The following TTN variants were observed in gnomAD, a reference collection of about 807,000 sequenced individuals.
The protein encoded by TTN is titin, also known as connectin.
Under a neutral mutation model 3,223.0 loss-of-function variants are expected in TTN, and 1,525 were observed. That is an observed-to-expected ratio of 0.47 (90% CI 0.45 to 0.49). The LOEUF (loss-of-function observed/expected upper bound fraction) is 0.49, where lower values mean the gene tolerates loss of function less well. TTN is among the 20% of genes least tolerant of loss of function. TTN has a pLI of 0.00. For synonymous variants in TTN, 14,094 were observed against 15,161.0 expected, an observed-to-expected ratio of 0.93 and a Z score of 5.17; for missense variants, 40,786 against 43,424.0, an observed-to-expected ratio of 0.94 and a Z score of 5.40.
In TTN at chr2:178,557,378, G is replaced by C; in HGVS notation, c.87884C>G (p.Thr29295Ser). The C allele has an allele frequency of 6.2e-7, 1 of 1,613,956 alleles. No individual in the cohort carries two copies. The highest frequency in any genetic ancestry group is 1.1e-5 in the South Asian group (1 of 91,084). ...QKANKLVIRTTHFKVTTISAG... is the reference protein window; with the variant it reads ...QKANKLVIRTSHFKVTTISAG... ...ACTGATTGTTGTGACTTTGAAGTGA[G>C]TTGTGCGGATGACCAGTTTGTTGGC... is the stretch of plus-strand genomic sequence containing the variant. Residue 29295 changes from threonine to serine, a missense_variant, in exon 329 of 363, where the codon ACT (threonine) becomes AGT (serine). Transcript: ENST00000589042.
At chr2:178,749,220 C>A in intron 47 of TTN, 1 of 1,610,970 alleles carries the variant, frequency 6.2e-7, no homozygotes, top group Admixed American at 1.7e-5. Context: ...TTTCTTATTT[C>A]TTTCTTAATA....
Position 178,586,656 on chromosome 2 carries a change from C to A in TTN, c.64245G>T (p.Trp21415Cys), listed in dbSNP as rs369299712. 21 of 1,613,064 alleles carry A rather than the reference C, an allele frequency of 1.3e-5. No homozygotes were observed. Among genetic ancestry groups the A allele is most frequent in the Non-Finnish European group, 1.7e-5 (20 of 1,179,412 alleles). The change falls in exon 308 of 363, where the codon TGG (tryptophan) becomes TGT (cysteine). Residue 21415 changes from tryptophan (W) to cysteine (C), a missense_variant. Trp to Cys is a radical substitution (Grantham distance 215). Transcript: ENST00000589042. Reference protein sequence around the residue: ...YREEEQPADRWTEYSVVKDLS... With the variant: ...YREEEQPADRCTEYSVVKDLS... Reference sequence around the variant, plus strand: ...GATCTTTTACCACTGAGTACTCTGTCCAGCGATCTGCAGGCTGCTCTTCTT... The same window carrying A: ...GATCTTTTACCACTGAGTACTCTGTACAGCGATCTGCAGGCTGCTCTTCTT...
In TTN at chr2:178,709,732, T is replaced by G. The variant is rs876658049; in HGVS notation, c.28587A>C (p.Lys9529Asn). 2 of 1,613,908 alleles carry G rather than the reference T, an allele frequency of 1.2e-6. No homozygotes were observed. Among genetic ancestry groups the G allele is most frequent in the Non-Finnish European group, 1.7e-6 (2 of 1,179,828 alleles). ...AAGTTGGTTGTATCTCTATATTATT[T>G]TTGTACCAGGCAACAGTTATAGGTT... is the stretch of plus-strand genomic sequence containing the variant. Reference protein sequence around the residue: ...GSQPITVAWYKNNIEIQPTSN... With the variant: ...GSQPITVAWYNNNIEIQPTSN... Residue 9529 changes from lysine to asparagine, a missense_variant, in exon 99 of 363, where the codon AAA becomes AAC. Coordinates refer to ENST00000589042, the MANE Select transcript of TTN (RefSeq NM_001267550.2).
rs763435780 is a variant in TTN, at chr2:178,752,064, A to C, written c.11311+1060T>G. On this transcript the variant is annotated intron_variant, in intron 47 of 362. Coordinates refer to ENST00000589042, the MANE Select transcript of TTN (RefSeq NM_001267550.2). ...TCTGGAAAAAAAAAAAAAAACCTTT[A>C]CTATTTTCCATAGAACTTGAAAAAG... is the stretch of plus-strand genomic sequence containing the variant. 9 of 1,554,020 alleles carry C rather than the reference A, an allele frequency of 5.8e-6. No individual in the cohort carries two copies. In the East Asian group the frequency reaches 1.8e-4, roughly 31 times the overall value.
At chr2:178,722,229 G>C (rs1312317787) in intron 77 of TTN, 30 bp downstream of exon 77, 1 of 1,533,894 alleles carries the variant, frequency 6.5e-7, no homozygotes, top group Non-Finnish European at 8.7e-7. Flanking sequence ...GCCACAGTTT[G>C]CAAAGAAAAA....
Position 178,775,014 on chromosome 2 carries a change from T to C in TTN, c.6697A>G (p.Ile2233Val), listed in dbSNP as rs1574638831. Residue 2233 changes from isoleucine to valine, a missense_variant, in exon 29 of 363, where the codon ATA becomes GTA. By Grantham distance (29) the Ile-to-Val change is conservative. Transcript: ENST00000589042. The stretch of plus-strand genomic sequence containing the variant: ...GCATCAGACGTATCAATGGTCAGTA[T>C]GGAGAGGAAGTGAACCTTTCTGTCA... ...HSDRKVHFLSILTIDTSDAED... is the reference protein window; with the variant it reads ...HSDRKVHFLSVLTIDTSDAED... 3 of 1,614,026 alleles carry C rather than the reference T, an allele frequency of 1.9e-6. No homozygotes were observed. The highest frequency in any genetic ancestry group is 8.5e-7 in the Non-Finnish European group (1 of 1,179,956).
chr2:178,549,297 C>T lies in TTN; in HGVS notation c.92329G>A (p.Glu30777Lys). Residue 30777 changes from glutamate to lysine, a missense_variant, in exon 339 of 363, where the codon GAA (glutamate) becomes AAA (lysine). Transcript: ENST00000589042. ...AGACCAGTGACTTTGAATCTTGTTT[C>T]AGAGATTGGTCGTTTGCTGATCACT... ...VKVISKRPIS[E>K]TRFKVTGLTE... 6.2e-7 allele frequency: 1 copy of T among 1,613,934 alleles called. No individual in the cohort carries two copies. Among genetic ancestry groups the T allele is most frequent in the Non-Finnish European group, 8.5e-7 (1 of 1,179,842 alleles).
Position 178,590,263 on chromosome 2 carries a change from C to G in TTN, c.61462G>C (p.Val20488Leu). 6.3e-7 allele frequency: 1 copy of G among 1,578,732 alleles called. No homozygotes were observed. The highest frequency in any genetic ancestry group is 8.6e-7 in the Non-Finnish European group (1 of 1,162,864). The change falls in exon 304 of 363, where the codon GTG becomes CTG. Residue 20488 changes from valine to leucine, a missense_variant. By Grantham distance (32) the Val-to-Leu change is conservative. Coordinates refer to ENST00000589042, the MANE Select transcript of TTN (RefSeq NM_001267550.2). ...LDVTCRDVIT[V>L]RVGQTIRILA... ...ATGCGGATAGTTTGGCCTACTCTCA[C>G]GGTAATAACATCACGACAAGTAACA...
rs529186119 is a variant in TTN at position 178,541,369 on chromosome 2, A to G, written c.97708T>C (p.Tyr32570His). 1.9e-6 allele frequency: 3 copies of G among 1,605,664 alleles called. No individual in the cohort carries two copies. Among genetic ancestry groups the G allele is most frequent in the South Asian group, 1.1e-5 (1 of 89,520 alleles). ...RSTGLTEGLE[Y>H]EHRVTAINAR... is the part of the protein sequence containing the mutation. ...TTAATGGCTGTGACACGGTGTTCATATTCTAAGCCTTCAGTAAGGCCAGTG... is the reference window on the plus strand; with the variant it reads ...TTAATGGCTGTGACACGGTGTTCATGTTCTAAGCCTTCAGTAAGGCCAGTG... Residue 32570 changes from tyrosine (Y) to histidine (H), a missense_variant, in exon 350 of 363, where the codon TAT becomes CAT. Transcript: ENST00000589042.
chr2:178,554,668 T>G lies in TTN; in HGVS notation c.88679A>C (p.Asp29560Ala). ...KITLLWRPPADDGGAKITHYI... is the reference protein window; with the variant it reads ...KITLLWRPPAADGGAKITHYI... ...GTGAGTGATTTTTGCACCACCATCATCAGCTGGAGGCCGCCAGAGAAGGGT... is the reference window on the plus strand; with the variant it reads ...GTGAGTGATTTTTGCACCACCATCAGCAGCTGGAGGCCGCCAGAGAAGGGT... Residue 29560 changes from aspartate to alanine, a missense_variant, in exon 332 of 363, where the codon GAT becomes GCT. Coordinates refer to ENST00000589042, the MANE Select transcript of TTN (RefSeq NM_001267550.2). The G allele has an allele frequency of 1.2e-6, 2 of 1,613,974 alleles. No individual in the cohort carries two copies. Among genetic ancestry groups the G allele is most frequent in the Non-Finnish European group, 1.7e-6 (2 of 1,179,856 alleles).
At chr2:178,599,088 A>G (rs959111405) in intron 290 of TTN, 26 bp from the exon 291 acceptor site, 5 of 1,513,572 alleles carry the variant, frequency 3.3e-6, no homozygotes, top group Non-Finnish European at 2.6e-6. Flanking sequence ...TATTGATTAT[A>G]AGAAATTTAA....
In TTN at chr2:178,746,293, T is replaced by C. The variant is rs1222234422; in HGVS notation, c.11312-4372A>G. The C allele has an allele frequency of 2.5e-6, 4 of 1,612,276 alleles. No individual in the cohort carries two copies. In the East Asian group the frequency reaches 6.7e-5, roughly 27 times the overall value. On this transcript the variant is annotated intron_variant, in intron 47 of 362. Coordinates refer to ENST00000589042, the MANE Select transcript of TTN (RefSeq NM_001267550.2). ...TTTCAAATACTTCTAAATCAATTTT[T>C]AGTTCTTTGTCTTCTCCCTCCCTTG...
chr2:178,652,974 C>T, intron 199 of TTN, 43 bp from the exon 200 acceptor site: 1 of 1,590,776 alleles, frequency 6.3e-7, no homozygotes, highest in Non-Finnish European at 8.6e-7. Context: ...GTTTGAAGAC[C>T]ACTAGAAAAG....
Position 178,715,635 on chromosome 2 carries a change from G to A in TTN, c.25779C>T (p.Ser8593=). The A allele has an allele frequency of 1.2e-6, 2 of 1,613,462 alleles. No individual in the cohort carries two copies. Among genetic ancestry groups the A allele is most frequent in the Non-Finnish European group, 1.7e-6 (2 of 1,179,620 alleles). The change falls in exon 89 of 363, where the codon AGC becomes AGT. Residue 8593 remains serine (S), a synonymous_variant. Coordinates refer to ENST00000589042, the MANE Select transcript of TTN (RefSeq NM_001267550.2). ...CAACGAATGACATTCTGAATTTACT[G>A]CTCTCTTGAATTTCAGTCTCGTCCT... The part of the protein sequence containing the change: ...WYKDETEIQE[S]SKFRMSFVDS...
intron 344 of TTN, among the ~76,000 whole-genome samples, 186 bp downstream of exon 344, chr2:178,545,201 GC>G (rs1197576327): frequency 6.6e-6 from 1 of 151,986 alleles, no homozygotes; most frequent in Non-Finnish European, 1.5e-5. Context: ...AATTCTAATT[GC>G]TAACTTAACA....
rs1690644273 is a variant in TTN, at chr2:178,534,651, C to G, written c.101964G>C (p.Gln33988His). The G allele has an allele frequency of 6.2e-7, 1 of 1,613,488 alleles. No individual in the cohort carries two copies. The highest frequency in any genetic ancestry group is 8.5e-7 in the Non-Finnish European group (1 of 1,179,586). The change falls in exon 358 of 363, where the codon CAG becomes CAC. Residue 33988 changes from glutamine (Q) to histidine (H), a missense_variant. Coordinates refer to ENST00000589042, the MANE Select transcript of TTN (RefSeq NM_001267550.2). ...CTGTGGCTGTGCTGACAACATCATG[C>G]TGGTGGACTTCAGGTGCATAGTATT... ...APEYYAPEVH[Q>H]HDVVSTATDM...
chr2:178,611,158 C>A lies in TTN; in HGVS notation c.50971G>T (p.Asp16991Tyr). The change falls in exon 270 of 363, where the codon GAT becomes TAT. Residue 16991 changes from aspartate (D) to tyrosine (Y), a missense_variant. Asp to Tyr is a radical substitution (Grantham distance 160). Coordinates refer to ENST00000589042, the MANE Select transcript of TTN (RefSeq NM_001267550.2). Reference sequence around the variant, plus strand: ...TCACTTGCTTTAACTTCTTTGCCATCTTTATGCCAACTAACAGTTGGAACT... The same window carrying A: ...TCACTTGCTTTAACTTCTTTGCCATATTTATGCCAACTAACAGTTGGAACT... ...VPVPTVSWHK[D>Y]GKEVKASDRL... 1 of 1,612,760 alleles carries A rather than the reference C, an allele frequency of 6.2e-7. No homozygotes were observed. The highest frequency in any genetic ancestry group is 2.2e-5 in the East Asian group (1 of 44,628).
rs2366751 is a variant in TTN at position 178,562,459 on chromosome 2, A to G, written c.83673T>C (p.Gly27891=). The stretch of plus-strand genomic sequence containing the variant: ...CCACATAACCAGTAATTTTGCTGCC[A>G]CCATCACTTTCTGGTTTCTCCCACT... ...TIKWEKPESD[G]GSKITGYVVE... is the part of the protein sequence containing the mutation. Residue 27891 remains glycine, a synonymous_variant, in exon 326 of 363, where the codon GGT becomes GGC. Coordinates refer to ENST00000589042, the MANE Select transcript of TTN (RefSeq NM_001267550.2). 0.28 allele frequency: 446,894 copies of G among 1,612,194 alleles called. 74,727 individuals carry two copies. The highest frequency in any genetic ancestry group is 0.7 in the East Asian group (31,132 of 44,730).
At chr2:178,785,198 GA>G (rs3835920) in intron 15 of TTN, among the ~76,000 whole-genome samples, 17,200 of 152,128 alleles carry the variant, frequency 0.11, 1,819 homozygotes, top group East Asian at 0.58. Context: ...ATAAATATAT[GA>G]TTTCTCAATG....
Sources: gnomAD v4.1 joint callset for allele counts (sites outside exome capture counted in the v4.1 genomes callset) on GRCh38, gnomAD v4.1.1 for gene constraint, MANE v1.5 for transcripts, NCBI Gene and HGNC (gene_info 2026-07-23, HGNC 2026-07-21) for gene names.